MAF: variants seen among roughly 807,000 people sequenced by gnomAD.
The protein encoded by MAF is transcription factor Maf.
A neutral mutation model predicts 22.0 loss-of-function variants in MAF; 10 were observed. The observed-to-expected ratio is 0.45, with a 90% CI of 0.28 to 0.77. The LOEUF is 0.77. MAF is among the 30% of genes least tolerant of loss of function. The probability of loss-of-function intolerance (pLI) is 0.12; values close to 1 mark genes in which losing one functional copy is unlikely to be tolerated. For synonymous variants in MAF, 337 were observed against 255.8 expected, an observed-to-expected ratio of 1.32 and a Z score of -3.03; for missense variants, 544 against 548.4, an observed-to-expected ratio of 0.99 and a Z score of 0.08.
chr16:79,424,879 A>G, the MAF span, among the ~76,000 whole-genome samples: 2 of 152,216 alleles, frequency 1.3e-5, no homozygotes, highest in African/African-American at 2.4e-5. Flanking sequence ...CAATATCTAC[A>G]TATTTTCATT....
chr16:79,472,453 A>G, the MAF span, among the ~76,000 whole-genome samples: 1 of 152,220 alleles, frequency 6.6e-6, no homozygotes, highest in Non-Finnish European at 1.5e-5. Context: ...AAAGAACAAA[A>G]TACAAATGCA....
At chr16:79,563,294 G>A in the MAF span, among the ~76,000 whole-genome samples, 3 of 152,164 alleles carry the variant, frequency 2.0e-5, no homozygotes, top group East Asian at 5.8e-4. Flanking sequence ...CAGAACACTG[G>A]CAATGTGGCC....
chr16:79,558,015 A>C, the MAF span, among the ~76,000 whole-genome samples: 22,416 of 151,780 alleles, frequency 0.15, 1,836 homozygotes, highest in East Asian at 0.27. Context: ...CAGGGGAAGC[A>C]CACCAGCTTC....
the MAF span, among the ~76,000 whole-genome samples, chr16:79,476,411 C>A: frequency 1.3e-5 from 2 of 152,192 alleles, no homozygotes; most frequent in Admixed American, 1.3e-4. Flanking sequence ...TGATACAATA[C>A]TTTACATATG....
At chr16:79,256,305 A>C in the MAF span, among the ~76,000 whole-genome samples, 4 of 151,974 alleles carry the variant, frequency 2.6e-5, no homozygotes, top group African/African-American at 9.7e-5. Context: ...GAGATGTCTG[A>C]ATGAATTGCA....
chr16:79,410,420 C>T, the MAF span, among the ~76,000 whole-genome samples: 1 of 152,260 alleles, frequency 6.6e-6, no homozygotes, highest in South Asian at 2.1e-4. Flanking sequence ...ACTGCGAACA[C>T]ACTCCAAATT....
chr16:79,430,807 C>G, the MAF span, among the ~76,000 whole-genome samples: 607 of 152,326 alleles, frequency 4.0e-3, 3 homozygotes, highest in African/African-American at 0.014. Context: ...ACACGCATAG[C>G]TTTTCTGTGT....
the MAF span, among the ~76,000 whole-genome samples, chr16:79,453,560 C>T: frequency 6.6e-6 from 1 of 152,218 alleles, no homozygotes; most frequent in Admixed American, 6.5e-5. Context: ...TAATAAAAAA[C>T]AGAATAGCTA....
chr16:79,316,013 G>C, the MAF span, among the ~76,000 whole-genome samples: 1 of 152,208 alleles, frequency 6.6e-6, no homozygotes, highest in Admixed American at 6.5e-5. Flanking sequence ...TTGCAAGGCA[G>C]ACCAGCTCAT....
At chr16:79,568,200 G>A in the MAF span, among the ~76,000 whole-genome samples, 1 of 152,204 alleles carries the variant, frequency 6.6e-6, no homozygotes, top group Non-Finnish European at 1.5e-5. Context: ...TACCTCTGCG[G>A]CTGTAGTTCA....
At chr16:79,521,950 C>T in the MAF span, among the ~76,000 whole-genome samples, 11 of 152,170 alleles carry the variant, frequency 7.2e-5, no homozygotes, top group Non-Finnish European at 1.5e-4. Context: ...GTAGTCCCTG[C>T]CTCCAAGGAG....
At chr16:79,230,348 G>C in the MAF span, among the ~76,000 whole-genome samples, 39 of 152,280 alleles carry the variant, frequency 2.6e-4, 1 homozygote, top group African/African-American at 7.2e-4. Context: ...GTGACCAATA[G>C]AGGGAACTGA....
At chr16:79,458,041 A>T in the MAF span, among the ~76,000 whole-genome samples, 3 of 151,862 alleles carry the variant, frequency 2.0e-5, no homozygotes, top group African/African-American at 7.3e-5. Flanking sequence ...GATGATCGAA[A>T]AGAAGAAAAT....
At chr16:79,407,192 G>C in the MAF span, among the ~76,000 whole-genome samples, 2 of 152,146 alleles carry the variant, frequency 1.3e-5, no homozygotes, top group Admixed American at 6.5e-5. Context: ...ATGAAGAAGA[G>C]CTACGGGTTT....
the MAF span, among the ~76,000 whole-genome samples, chr16:79,578,445 G>A: frequency 6.6e-6 from 1 of 151,808 alleles, no homozygotes; most frequent in African/African-American, 2.4e-5. Flanking sequence ...ACTTTCACAC[G>A]ATGTATCATT....
At chr16:79,565,545 G>A in the MAF span, among the ~76,000 whole-genome samples, 9 of 152,210 alleles carry the variant, frequency 5.9e-5, no homozygotes, top group South Asian at 1.9e-3. Flanking sequence ...GAATCATGGG[G>A]GTGGTTACCT....
At chr16:79,280,663 C>T in the MAF span, among the ~76,000 whole-genome samples, 1 of 152,144 alleles carries the variant, frequency 6.6e-6, no homozygotes, top group Admixed American at 6.5e-5. Flanking sequence ...ATTCACACTC[C>T]AGGGCCCCTG....
At chr16:79,315,557 C>G in the MAF span, among the ~76,000 whole-genome samples, 2 of 152,182 alleles carry the variant, frequency 1.3e-5, no homozygotes, top group African/African-American at 4.8e-5. Flanking sequence ...ACCCATTTTA[C>G]AGACGGGGAA....
the MAF span, among the ~76,000 whole-genome samples, chr16:79,509,654 G>T: frequency 6.6e-6 from 1 of 152,348 alleles, no homozygotes; most frequent in South Asian, 2.1e-4. Flanking sequence ...GCGTTACCTT[G>T]GCCTGAGCGT....
Sources: allele counts gnomAD v4.1 joint callset (sites outside exome capture counted in the v4.1 genomes callset), GRCh38; gene constraint gnomAD v4.1.1; transcripts MANE v1.5; gene names NCBI Gene and HGNC (gene_info 2026-07-23, HGNC 2026-07-21).